The following WDR7 variants were observed in gnomAD, a reference collection of about 807,000 sequenced individuals.
The protein encoded by WDR7 is WD repeat-containing protein 7.
Under a neutral mutation model 169.4 loss-of-function variants are expected in WDR7, and 46 were observed. The ratio of observed to expected loss-of-function variants is 0.27; its 90% CI spans 0.21 to 0.35. The LOEUF is 0.35. Among genes scored for constraint, WDR7 ranks in the 10% least tolerant of loss-of-function variants. The pLI, the probability that WDR7 is intolerant of heterozygous loss-of-function variation, is 1.00. For missense variants in WDR7, 1,534 were observed against 1,859.3 expected, an observed-to-expected ratio of 0.83 and a Z score of 3.22; for synonymous variants, 612 against 666.8, an observed-to-expected ratio of 0.92 and a Z score of 1.27.
In WDR7 at chr18:56,849,736, T is replaced by G. The variant is rs185504262; in HGVS notation, c.3305-30208T>G. The stretch of plus-strand genomic sequence containing the variant: ...TCATGTCACTTTCTGCTTAAAACTT[T>G]CCAATAGCTTTTTTAAAACAAAACA... On this transcript the variant is annotated intron_variant, in intron 20 of 27. Transcript: ENST00000254442. Among the ~76,000 whole-genome samples, 13 of 152,268 alleles carry G rather than the reference T, an allele frequency of 8.5e-5. No homozygotes were observed. The East Asian group carries it at 2.5e-3, about 29-fold the overall frequency.
intron 22 of WDR7, among the ~76,000 whole-genome samples, chr18:56,931,960 AG>A (rs2046891449): frequency 6.6e-6 from 1 of 152,200 alleles, no homozygotes; most frequent in Non-Finnish European, 1.5e-5. Flanking sequence ...TCTTAAGCCA[AG>A]GTGTTTAGAG....
intron 21 of WDR7, among the ~76,000 whole-genome samples, chr18:56,882,968 A>T (rs969719355): frequency 2.6e-5 from 4 of 152,164 alleles, no homozygotes; most frequent in Non-Finnish European, 5.9e-5. Flanking sequence ...CACACCTGTA[A>T]TCCCAGCACT....
chr18:57,013,275 C>G (rs2048162164), intron 26 of WDR7, among the ~76,000 whole-genome samples: 1 of 151,998 alleles, frequency 6.6e-6, no homozygotes, highest in Admixed American at 6.6e-5. Context: ...ACCTGTCACC[C>G]ACCCTCCTGC....
At chr18:56,933,882 GTTC>G (rs1275340721) in intron 22 of WDR7, among the ~76,000 whole-genome samples, 1 of 152,228 alleles carries the variant, frequency 6.6e-6, no homozygotes, top group Non-Finnish European at 1.5e-5. Context: ...TCTGCACCCA[GTTC>G]TTCCTCTGTA....
At chr18:56,822,311 A>G (rs1010019201) in intron 20 of WDR7, among the ~76,000 whole-genome samples, 5 of 152,230 alleles carry the variant, frequency 3.3e-5, no homozygotes, top group African/African-American at 9.6e-5. Flanking sequence ...TGAAGTCATC[A>G]GTATAAAACT....
chr18:56,878,945 A>G (rs1161138331), intron 20 of WDR7, among the ~76,000 whole-genome samples: 1 of 152,178 alleles, frequency 6.6e-6, no homozygotes, highest in Admixed American at 6.5e-5. Context: ...TTAGATTTGT[A>G]CAAAAGTAAT....
intron 26 of WDR7, among the ~76,000 whole-genome samples, chr18:57,000,694 CTTATAG>C (rs1362896307): frequency 6.6e-6 from 1 of 152,086 alleles, no homozygotes; most frequent in Non-Finnish European, 1.5e-5. Context: ...GTATTATTTT[CTTATAG>C]TTTGGTTGTT....
At chr18:56,680,210 T>G (rs1305566744) in intron 3 of WDR7, among the ~76,000 whole-genome samples, 1 of 152,038 alleles carries the variant, frequency 6.6e-6, no homozygotes, top group Non-Finnish European at 1.5e-5. Context: ...ATGCAAAAAC[T>G]AGCCGGGCAT....
intron 14 of WDR7, among the ~76,000 whole-genome samples, chr18:56,746,710 A>G (rs2043710012): frequency 6.6e-6 from 1 of 152,174 alleles, no homozygotes; most frequent in African/African-American, 2.4e-5. Flanking sequence ...ATTCTATTGT[A>G]CTAGTATAAG....
intron 20 of WDR7, among the ~76,000 whole-genome samples, chr18:56,832,544 GGAGA>G (rs1451317560): frequency 6.6e-6 from 1 of 152,294 alleles, no homozygotes; most frequent in Non-Finnish European, 1.5e-5. Flanking sequence ...CTCCAGACTG[GGAGA>G]TACCTCCCAG....
intron 1 of WDR7, among the ~76,000 whole-genome samples, chr18:56,657,265 C>T (rs2024797483): frequency 6.6e-6 from 1 of 151,708 alleles, no homozygotes; most frequent in Non-Finnish European, 1.5e-5. Flanking sequence ...TCAAGCGTTT[C>T]TCCTGCCTCA....
intron 20 of WDR7, among the ~76,000 whole-genome samples, chr18:56,860,976 T>G (rs2045795573): frequency 6.6e-6 from 1 of 152,190 alleles, no homozygotes; most frequent in Non-Finnish European, 1.5e-5. Context: ...TCTTTGTTTT[T>G]CTAGAAATAC....
chr18:57,016,917 C>G (rs1473546996), intron 26 of WDR7, among the ~76,000 whole-genome samples: 1 of 152,120 alleles, frequency 6.6e-6, no homozygotes, highest in Non-Finnish European at 1.5e-5. Context: ...ATTTCTTTGA[C>G]TAAAAATATA....
chr18:56,662,574 T>C (rs1224879003), intron 1 of WDR7, among the ~76,000 whole-genome samples: 1 of 152,184 alleles, frequency 6.6e-6, no homozygotes, highest in East Asian at 1.9e-4. Context: ...CTTCCTGAGG[T>C]GGTGCAGTGT....
chr18:56,827,138 A>G (rs191568700), intron 20 of WDR7, among the ~76,000 whole-genome samples: 51 of 152,280 alleles, frequency 3.3e-4, no homozygotes, highest in African/African-American at 1.2e-3. Context: ...CTTAGAAATA[A>G]TTAGCTGTGG....
In WDR7 at chr18:57,028,888, A is replaced by G. The variant is rs1336341218; in HGVS notation, c.*1681A>G. On this transcript the variant is annotated 3_prime_UTR_variant, in exon 28 of 28. Transcript: ENST00000254442. ...TGTACATTGTATTTATAAAGATTAT[A>G]TATGTAGTTTCCAAGGAAGAAACAA... 6.5e-6 allele frequency: 1 copy of G among 152,682 alleles called. No homozygotes were observed. The highest frequency in any genetic ancestry group is 2.4e-5 in the African/African-American group (1 of 41,462). 9.5% of individuals were successfully genotyped at this position (152,682 alleles called of 1,614,324 possible).
At chr18:57,013,953 A>G (rs1002540940) in intron 26 of WDR7, among the ~76,000 whole-genome samples, 4 of 152,228 alleles carry the variant, frequency 2.6e-5, no homozygotes, top group African/African-American at 4.8e-5. Context: ...TAAAATAAGC[A>G]TATGCTGGCC....
intron 26 of WDR7, among the ~76,000 whole-genome samples, chr18:57,014,219 G>A (rs2048176038): frequency 6.6e-6 from 1 of 151,240 alleles, no homozygotes. Context: ...CCAGCTACTC[G>A]GGAGGCTGAG....
At chr18:56,876,541 A>T (rs2046024444) in intron 20 of WDR7, among the ~76,000 whole-genome samples, 1 of 152,214 alleles carries the variant, frequency 6.6e-6, no homozygotes, top group South Asian at 2.1e-4. Context: ...GGCTCCTATG[A>T]GCTAAAGAGG....
Sources: allele counts gnomAD v4.1 joint callset (sites outside exome capture counted in the v4.1 genomes callset), GRCh38; gene constraint gnomAD v4.1.1; transcripts MANE v1.5; gene names NCBI Gene and HGNC (gene_info 2026-07-23, HGNC 2026-07-21).